The following TRMU variants were observed in gnomAD, a reference collection of about 807,000 sequenced individuals.
TRMU encodes the protein tRNA mitochondrial 2-thiouridylase, also known as mitochondrial tRNA-specific 2-thiouridylase 1.
In TRMU, 49 loss-of-function variants were observed where a neutral mutation model predicts 46.9. The ratio of observed to expected loss-of-function variants is 1.05; its 90% confidence interval spans 0.83 to 1.33. The LOEUF is 1.33. TRMU is among the 40% of genes most tolerant of loss of function. The pLI is 0.00. For missense variants in TRMU, 572 were observed against 532.4 expected (o/e 1.07, Z -0.73); for synonymous variants, 241 against 200.9 (o/e 1.20, Z -1.69).
chr22:46,345,105 C>G (rs1292930831), intron 3 of TRMU, among the ~76,000 whole-genome samples: 2 of 152,202 alleles, frequency 1.3e-5, no homozygotes, highest in Non-Finnish European at 1.5e-5. Context: ...GAGTCTCACT[C>G]TGTCTCCCAG....
chr22:46,356,529 T>C, intron 10 of TRMU: 1 of 461,668 alleles, frequency 2.2e-6, no homozygotes, highest in South Asian at 2.7e-5. Context: ...GCCACCATGC[T>C]CCTTCCTGTC....
rs1271149558 is a variant in TRMU, at chr22:46,350,249, A to AT, written c.479-37dup. On this transcript the variant is annotated intron_variant, in intron 4 of 10. Transcript: ENST00000645190. This position sits in a 1 kb window ranked among gnomAD's most constrained non-coding sequence, Gnocchi z 4.6. ...ACATTGTTGAAAGTGAAGTATCATT[A>AT]TTTTTATTCCTGCATCGTCTTTTGT... The AT allele has an allele frequency of 6.2e-7, 1 of 1,612,736 alleles. No individual in the cohort carries two copies. Among genetic ancestry groups the AT allele is most frequent in the Non-Finnish European group, 8.5e-7 (1 of 1,178,972 alleles).
At chr22:46,355,673 G>C in intron 9 of TRMU, 85 bp downstream of exon 9, 1 of 1,605,296 alleles carries the variant, frequency 6.2e-7, no homozygotes, top group Non-Finnish European at 8.5e-7. Context: ...GGGAGACCCT[G>C]GGGTAGGAAA....
At position 46,342,503 on chromosome 22, in the gene TRMU, A is replaced by T. The variant is rs1246238448; in HGVS notation, c.249-759A>T. On this transcript the variant is annotated intron_variant, in intron 2 of 10. Coordinates refer to ENST00000645190, the MANE Select transcript of TRMU (RefSeq NM_018006.5). This position sits in a 1 kb window ranked among gnomAD's most constrained non-coding sequence, Gnocchi z 4.7. ...CGCCATTCCTTCCCCCAGGATATACAGTGGGACTGTGTCTGGGGAGGGTCT... is the reference window on the plus strand; with the variant it reads ...CGCCATTCCTTCCCCCAGGATATACTGTGGGACTGTGTCTGGGGAGGGTCT... 2.6e-5 allele frequency among the ~76,000 whole-genome samples: 4 copies of T among 152,136 alleles called. No individual in the cohort carries two copies. The highest frequency in any genetic ancestry group is 9.7e-5 in the African/African-American group (4 of 41,422).
In TRMU at chr22:46,336,754, T is replaced by C. The variant is rs1428492230; in HGVS notation, c.82+908T>C. 6.6e-6 allele frequency: 1 copy of C among 152,128 alleles called. No individual in the cohort carries two copies. The highest frequency in any genetic ancestry group is 1.5e-5 in the Non-Finnish European group (1 of 68,080). The allele number at this position is 152,128 out of a possible 1,614,324, so 9.4% of individuals were successfully genotyped here. A position where few individuals can be genotyped will look rare whatever the true frequency, so the allele number is the denominator to read the frequency against. On this transcript the variant is annotated intron_variant, in intron 1 of 10. Transcript: ENST00000645190. This position sits in a 1 kb window ranked among gnomAD's most constrained non-coding sequence, Gnocchi z 4.1. ...GTACAGTAAGTGCCAAAGAGAAGGGTAGGCGGACCATAAGCAGAAATAGTT... is the reference window on the plus strand; with the variant it reads ...GTACAGTAAGTGCCAAAGAGAAGGGCAGGCGGACCATAAGCAGAAATAGTT...
Position 46,339,807 on chromosome 22 carries a change from T to G in TRMU, c.248+1863T>G, listed in dbSNP as rs893711851. Among the ~76,000 whole-genome samples the G allele has an allele frequency of 6.6e-6, 1 of 152,174 alleles. No homozygotes were observed. The highest frequency in any genetic ancestry group is 2.4e-5 in the African/African-American group (1 of 41,432). On this transcript the variant is annotated intron_variant, in intron 2 of 10. Coordinates refer to ENST00000645190, the MANE Select transcript of TRMU (RefSeq NM_018006.5). This position sits in a 1 kb window ranked among gnomAD's most constrained non-coding sequence, Gnocchi z 4.8. Reference sequence around the variant, plus strand: ...ATGGGTGTCGTATATATTAACAACATGGACAAAACTGATGGCTGAATTTTC... The same window carrying G: ...ATGGGTGTCGTATATATTAACAACAGGGACAAAACTGATGGCTGAATTTTC...
At chr22:46,352,429 T>C in intron 7 of TRMU, 99 bp downstream of exon 7, 1 of 1,441,244 alleles carries the variant, frequency 6.9e-7, no homozygotes, top group Admixed American at 1.7e-5. Context: ...CCCTTCCACT[T>C]GGCTGGAGAA....
At chr22:46,355,410 C>T in intron 8 of TRMU, 34 bp from the exon 9 acceptor site, 1 of 1,608,528 alleles carries the variant, frequency 6.2e-7, no homozygotes, top group Non-Finnish European at 8.5e-7. Flanking sequence ...CCAGGTGCCC[C>T]TCGGCGTCCC....
rs1282833051 is a variant in TRMU, at chr22:46,355,424, C to G, written c.874-20C>G. On this transcript the variant is annotated intron_variant, in intron 8 of 10. Coordinates refer to ENST00000645190, the MANE Select transcript of TRMU (RefSeq NM_018006.5). ...GCCAGGTGCCCCTCGGCGTCCCCAC[C>G]TTCACATTCCATTCTGCAGGCCCCC... The G allele has an allele frequency of 1.9e-6, 3 of 1,612,150 alleles. No individual in the cohort carries two copies. Among genetic ancestry groups the G allele is most frequent in the Non-Finnish European group, 2.5e-6 (3 of 1,179,664 alleles).
intron 10 of TRMU, 62 bp downstream of exon 10, chr22:46,356,134 C>T: frequency 6.3e-7 from 1 of 1,584,334 alleles, no homozygotes; most frequent in African/African-American, 1.3e-5. Flanking sequence ...TGCCAGGGCA[C>T]CCGGGTTACA....
At position 46,349,819 on chromosome 22, in the gene TRMU, CG is replaced by C. The variant is rs1413372574; in HGVS notation, c.479-469del. Among the ~76,000 whole-genome samples, 1 of 152,162 alleles carries C rather than the reference CG, an allele frequency of 6.6e-6. No individual in the cohort carries two copies. Among genetic ancestry groups the C allele is most frequent in the East Asian group, 1.9e-4 (1 of 5,202 alleles). ...GCTGCTGGAGGCATGTGCTGGCCGC[CG>C]GGCAGTGAACCTGGAAAGTGTAGAG... On this transcript the variant is annotated intron_variant, in intron 4 of 10. Transcript: ENST00000645190. This position sits in a 1 kb window ranked among gnomAD's most constrained non-coding sequence, Gnocchi z 4.6.
At position 46,350,232 on chromosome 22, in the gene TRMU, G is replaced by C; in HGVS notation, c.479-59G>C. 6.2e-7 allele frequency: 1 copy of C among 1,605,138 alleles called. No homozygotes were observed. ...TCTAAGTGAACAGAAGGACATTGTTGAAAGTGAAGTATCATTATTTTTATT... is the reference window on the plus strand; with the variant it reads ...TCTAAGTGAACAGAAGGACATTGTTCAAAGTGAAGTATCATTATTTTTATT... On this transcript the variant is annotated intron_variant, in intron 4 of 10. Coordinates refer to ENST00000645190, the MANE Select transcript of TRMU (RefSeq NM_018006.5). This position sits in a 1 kb window ranked among gnomAD's most constrained non-coding sequence, Gnocchi z 4.6.
At position 46,350,515 on chromosome 22, in the gene TRMU, C is replaced by G. The variant is rs532117874; in HGVS notation, c.651+52C>G. 3 of 1,605,886 alleles carry G rather than the reference C, an allele frequency of 1.9e-6. No homozygotes were observed. The East Asian group carries it at 6.7e-5, about 36-fold the overall frequency. On this transcript the variant is annotated intron_variant, in intron 5 of 10. Transcript: ENST00000645190. This position sits in a 1 kb window ranked among gnomAD's most constrained non-coding sequence, Gnocchi z 4.6. The stretch of plus-strand genomic sequence containing the variant: ...AGTGCCTGTTTCCCTTTCCCGACTG[C>G]ATGGCACGGAGCAGCTGGACCTGTG...
In TRMU at chr22:46,356,025, G is replaced by A. The variant is rs778354824; in HGVS notation, c.1054G>A (p.Val352Met). 3.0e-5 allele frequency: 49 copies of A among 1,613,880 alleles called. No homozygotes were observed. Among genetic ancestry groups the A allele is most frequent in the South Asian group, 7.7e-5 (7 of 91,090 alleles). ...GCTGACCCTCAATCAAGATGGCACC[G>A]TGTGGGTGACAGCTGTGCAGGCTGT... is the stretch of plus-strand genomic sequence containing the variant. ...CVLTLNQDGTVWVTAVQAVRA... is the reference protein window; with the variant it reads ...CVLTLNQDGTMWVTAVQAVRA... The change falls in exon 10 of 11, where the codon GTG becomes ATG. Residue 352 changes from valine to methionine, a missense_variant. Physicochemically the swap from Val to Met is conservative, Grantham distance 21. Coordinates refer to ENST00000645190, the MANE Select transcript of TRMU (RefSeq NM_018006.5).
In TRMU at chr22:46,338,072, A is replaced by G. The variant is rs1739118240; in HGVS notation, c.248+128A>G. 2 of 1,346,170 alleles carry G rather than the reference A, an allele frequency of 1.5e-6. No individual in the cohort carries two copies. Among genetic ancestry groups the G allele is most frequent in the African/African-American group, 2.9e-5 (2 of 69,680 alleles). 83.4% of individuals were successfully genotyped at this position (1,346,170 alleles called of 1,614,324 possible). A position where few individuals can be genotyped will look rare whatever the true frequency, so the allele number is the denominator to read the frequency against. On this transcript the variant is annotated intron_variant, in intron 2 of 10. Coordinates refer to ENST00000645190, the MANE Select transcript of TRMU (RefSeq NM_018006.5). The surrounding 1 kb of genome is among the most constrained non-coding windows in gnomAD (Gnocchi z 4.5). The stretch of plus-strand genomic sequence containing the variant: ...CGCTCTCCCTCCACGGTGGTGCTGA[A>G]GACTGCAAGAGGCCTCAGCCACCCT...
At chr22:46,353,240 C>G (rs1264270137) in intron 7 of TRMU, 2 of 181,842 alleles carry the variant, frequency 1.1e-5, no homozygotes, top group Non-Finnish European at 2.4e-5. Context: ...AAGAAGGCTG[C>G]CGGCCCAGGC....
rs1296386446 is a variant in TRMU, at chr22:46,349,700, C to T, written c.479-591C>T. 1.3e-5 allele frequency among the ~76,000 whole-genome samples: 2 copies of T among 152,172 alleles called. No individual in the cohort carries two copies. Among genetic ancestry groups the T allele is most frequent in the South Asian group, 2.1e-4 (1 of 4,834 alleles). ...TTCTTTACAATCACATAGGGAATGT[C>T]GGAGGAACTGCAGGGTCACCTAACA... On this transcript the variant is annotated intron_variant, in intron 4 of 10. Coordinates refer to ENST00000645190, the MANE Select transcript of TRMU (RefSeq NM_018006.5). The surrounding 1 kb of genome is among the most constrained non-coding windows in gnomAD (Gnocchi z 4.6).
rs1204763868 is a variant in TRMU at position 46,357,066 on chromosome 22, A to T, written c.*60A>T. On this transcript the variant is annotated 3_prime_UTR_variant, in exon 11 of 11. Transcript: ENST00000645190. ...AGGACCCATGGCTGGGCGGCTGGTG[A>T]GCAGTCCAGGTGCCCAAGGGCCAGC... 6.2e-7 allele frequency: 1 copy of T among 1,606,724 alleles called. No homozygotes were observed. Among genetic ancestry groups the T allele is most frequent in the African/African-American group, 1.3e-5 (1 of 74,674 alleles).
chr22:46,356,671 GCCTCT>G, intron 10 of TRMU, 166 bp from the exon 11 acceptor site: 2 of 758,510 alleles, frequency 2.6e-6, no homozygotes, highest in Non-Finnish European at 4.3e-6. Flanking sequence ...GGTGCCCCAG[GCCTCT>G]CCTCTCCTGT....
Sources: gnomAD v4.1 joint callset for allele counts (sites outside exome capture counted in the v4.1 genomes callset) on GRCh38, gnomAD v4.1.1 for gene constraint, Gnocchi (gnomAD v3.1) non-coding constraint, MANE v1.5 for transcripts, NCBI Gene and HGNC (gene_info 2026-07-23, HGNC 2026-07-21) for gene names.